CPQ: variants seen among roughly 807,000 people sequenced by gnomAD.
The protein encoded by CPQ is Ser-Met dipeptidase.
Under a neutral mutation model 45.7 loss-of-function variants are expected in CPQ, and 37 were observed. The observed-to-expected ratio is 0.81, with a 90% CI of 0.62 to 1.07. CPQ has a LOEUF of 1.07. Among genes scored for constraint, CPQ ranks in the 50% least tolerant of loss-of-function variants. The pLI is 0.00. For synonymous variants in CPQ, 186 were observed against 205.8 expected (o/e 0.90, Z 0.82); for missense variants, 537 against 572.9 (o/e 0.94, Z 0.64).
intron 1 of CPQ, among the ~76,000 whole-genome samples, chr8:96,747,508 C>T (rs1475281334): frequency 6.6e-6 from 1 of 152,120 alleles, no homozygotes; most frequent in East Asian, 1.9e-4. Context: ...ATCCATGTGA[C>T]TCTATAGATT....
intron 7 of CPQ, among the ~76,000 whole-genome samples, chr8:97,094,640 C>G (rs147061217): frequency 1.6e-4 from 25 of 152,214 alleles, no homozygotes; most frequent in African/African-American, 6.0e-4. Flanking sequence ...GTCCGGTCCC[C>G]CTCTATGCCC....
intron 4 of CPQ, among the ~76,000 whole-genome samples, chr8:96,880,518 CATATATATATATATATATATATATAT>C (rs200512558): frequency 0.028 from 2,715 of 97,294 alleles, 172 homozygotes; most frequent in East Asian, 0.075. Flanking sequence ...AATATATGGT[CATATATATATATATATATATATATAT>C]ATATATATAT....
At chr8:96,917,447 T>C (rs1812748350) in intron 4 of CPQ, among the ~76,000 whole-genome samples, 1 of 152,122 alleles carries the variant, frequency 6.6e-6, no homozygotes, top group Non-Finnish European at 1.5e-5. Context: ...GTGGGGTTTT[T>C]TGGTTTTTGG....
intron 4 of CPQ, among the ~76,000 whole-genome samples, chr8:96,953,887 A>T (rs1367406559): frequency 6.6e-6 from 1 of 152,114 alleles, no homozygotes; most frequent in Non-Finnish European, 1.5e-5. Context: ...GTCAGTTTTA[A>T]GCTATTATTT....
chr8:96,839,011 G>T (rs1204099377), intron 3 of CPQ, among the ~76,000 whole-genome samples: 1 of 151,954 alleles, frequency 6.6e-6, no homozygotes, highest in Non-Finnish European at 1.5e-5. Flanking sequence ...TCTCTGAAAA[G>T]CATTTCACCT....
chr8:96,961,246 A>G (rs1586468489), intron 4 of CPQ, among the ~76,000 whole-genome samples: 1 of 152,344 alleles, frequency 6.6e-6, no homozygotes. Flanking sequence ...AGATAGTTGT[A>G]AAGTGGTATC....
intron 5 of CPQ, among the ~76,000 whole-genome samples, chr8:97,005,703 A>G (rs1809369787): frequency 6.6e-6 from 1 of 152,168 alleles, no homozygotes; most frequent in African/African-American, 2.4e-5. Context: ...GGGCTCTAAC[A>G]TGTTAATAGC....
At chr8:96,686,150 A>G (rs1309482360) in intron 1 of CPQ, among the ~76,000 whole-genome samples, 4 of 152,054 alleles carry the variant, frequency 2.6e-5, no homozygotes, top group East Asian at 3.8e-4. Context: ...ATAGTTTCCA[A>G]ATAATGATAT....
At chr8:96,698,663 ATAT>A (rs1809417402) in intron 1 of CPQ, among the ~76,000 whole-genome samples, 1 of 152,108 alleles carries the variant, frequency 6.6e-6, no homozygotes, top group South Asian at 2.1e-4. Flanking sequence ...AAATATAATA[ATAT>A]TATGAAAAAT....
chr8:96,658,500 C>G (rs927667033), intron 1 of CPQ, among the ~76,000 whole-genome samples: 3 of 147,458 alleles, frequency 2.0e-5, no homozygotes, highest in Non-Finnish European at 4.6e-5. Context: ...CCCTACCACC[C>G]CCTACGGTGT....
intron 3 of CPQ, among the ~76,000 whole-genome samples, chr8:96,844,791 G>T (rs1467738835): frequency 6.6e-6 from 1 of 152,166 alleles, no homozygotes; most frequent in Non-Finnish European, 1.5e-5. Flanking sequence ...AGACTCAAAA[G>T]ACTTGGGTTC....
chr8:96,942,810 A>G (rs1465403622), intron 4 of CPQ, among the ~76,000 whole-genome samples: 1 of 152,196 alleles, frequency 6.6e-6, no homozygotes, highest in Non-Finnish European at 1.5e-5. Context: ...GTCACAGACA[A>G]TTCTGATGCT....
chr8:97,082,962 C>T (rs1810978133), intron 7 of CPQ, among the ~76,000 whole-genome samples: 1 of 152,152 alleles, frequency 6.6e-6, no homozygotes, highest in South Asian at 2.1e-4. Flanking sequence ...CATCCTTTAA[C>T]ATTTGGATTG....
intron 4 of CPQ, among the ~76,000 whole-genome samples, chr8:96,893,830 G>A (rs963296600): frequency 4.0e-4 from 61 of 152,130 alleles, no homozygotes; most frequent in African/African-American, 1.4e-3. Context: ...AGTAATGAGA[G>A]CAATTTTAGT....
rs71267285 is a variant in CPQ at position 96,964,173 on chromosome 8, T to TACACACAC, written c.850-1724_850-1717dup. Among the ~76,000 whole-genome samples, 787 of 133,444 alleles carry TACACACAC rather than the reference T, an allele frequency of 5.9e-3. 6 individuals are homozygous for TACACACAC. The highest frequency in any genetic ancestry group is 0.02 in the African/African-American group (684 of 34,940). The allele number at this position is 133,444 out of a possible 152,430, so 87.5% of individuals were successfully genotyped here. On this transcript the variant is annotated intron_variant, in intron 4 of 7. Coordinates refer to ENST00000220763, the MANE Select transcript of CPQ (RefSeq NM_016134.4). ...CAGTACATCTTTTTTGGTTAAAGTA[T>TACACACAC]ACACACACACACACACACACACACA...
In CPQ at chr8:96,785,238, A is replaced by G. The variant is rs1810751393; in HGVS notation, c.341A>G (p.Glu114Gly). The G allele has an allele frequency of 6.2e-7, 1 of 1,613,610 alleles. No individual in the cohort carries two copies. The highest frequency in any genetic ancestry group is 8.5e-7 in the Non-Finnish European group (1 of 1,179,748). The change falls in exon 2 of 8, where the codon GAG becomes GGG. Residue 114 changes from glutamate (E) to glycine (G), a missense_variant. By Grantham distance (98) the Glu-to-Gly change is moderately conservative. Transcript: ENST00000220763. ...HLEPVRIPHWERGEESAVMLE... is the reference protein window; with the variant it reads ...HLEPVRIPHWGRGEESAVMLE... ...GAGCCAGTGAGAATACCCCACTGGG[A>G]GAGGGGAGAAGAATCAGCTGTGATG... is the stretch of plus-strand genomic sequence containing the variant.
intron 1 of CPQ, among the ~76,000 whole-genome samples, chr8:96,706,093 A>G (rs1257710628): frequency 6.6e-6 from 1 of 152,092 alleles, no homozygotes; most frequent in Non-Finnish European, 1.5e-5. Flanking sequence ...AAACAGTTGT[A>G]ATGTTAAAGG....
chr8:96,705,296 A>G (rs1239497591), intron 1 of CPQ, among the ~76,000 whole-genome samples: 1 of 152,102 alleles, frequency 6.6e-6, no homozygotes, highest in African/African-American at 2.4e-5. Flanking sequence ...CTTTAAAATC[A>G]TGCTTGAAAC....
At chr8:96,701,852 C>T (rs935013167) in intron 1 of CPQ, among the ~76,000 whole-genome samples, 8 of 152,180 alleles carry the variant, frequency 5.3e-5, no homozygotes, top group Non-Finnish European at 1.0e-4. Flanking sequence ...ACTGAAGGAA[C>T]TTTTGTTTGT....
Sources: allele counts gnomAD v4.1 joint callset (sites outside exome capture counted in the v4.1 genomes callset), GRCh38; gene constraint gnomAD v4.1.1; transcripts MANE v1.5; gene names NCBI Gene and HGNC (gene_info 2026-07-23, HGNC 2026-07-21).